The following SLC2A9 variants were observed in gnomAD, a reference collection of about 807,000 sequenced individuals.
The protein encoded by SLC2A9 is solute carrier family 2, facilitated glucose transporter member 9.
In SLC2A9, 39 loss-of-function variants were observed where a neutral mutation model predicts 50.6. The observed-to-expected ratio is 0.77, with a 90% confidence interval of 0.60 to 1.01. The LOEUF (loss-of-function observed/expected upper bound fraction) is 1.01, where lower values mean the gene tolerates loss of function less well. Among genes scored for constraint, SLC2A9 ranks in the 50% least tolerant of loss-of-function variants. The probability of loss-of-function intolerance (pLI) is 0.00; values close to 1 mark genes in which losing one functional copy is unlikely to be tolerated. For synonymous variants in SLC2A9, 324 were observed against 276.9 expected, an observed-to-expected ratio of 1.17 and a Z score of -1.69; for missense variants, 686 against 677.6, an observed-to-expected ratio of 1.01 and a Z score of -0.14.
chr4:9,889,871 T>C (rs531071828), intron 9 of SLC2A9, among the ~76,000 whole-genome samples: 18 of 152,348 alleles, frequency 1.2e-4, no homozygotes, highest in Admixed American at 1.2e-3. Context: ...TCCGGGGATC[T>C]AATTGCCACC....
At chr4:9,913,248 C>G (rs1053827981) in intron 7 of SLC2A9, among the ~76,000 whole-genome samples, 2 of 149,812 alleles carry the variant, frequency 1.3e-5, no homozygotes, top group Admixed American at 6.7e-5. Context: ...CAATAGAAAA[C>G]TAATATATAC....
At chr4:9,984,255 G>A (rs1297819888) in intron 4 of SLC2A9, among the ~76,000 whole-genome samples, 2 of 152,072 alleles carry the variant, frequency 1.3e-5, no homozygotes, top group African/African-American at 2.4e-5. Context: ...TTACTTCCAG[G>A]CCCCCACTCT....
In SLC2A9 at chr4:9,894,739, G is replaced by A. The variant is rs114947425; in HGVS notation, c.1114-4028C>T. On this transcript the variant is annotated intron_variant, in intron 8 of 11. Coordinates refer to ENST00000264784, the MANE Select transcript of SLC2A9 (RefSeq NM_020041.3). ...TGAAAATGAAGGTTGTTCATAACTG[G>A]AATATGCAGGAACTCTGTCTCCTAA... Among the ~76,000 whole-genome samples the A allele has an allele frequency of 4.7e-3, 711 of 152,320 alleles. 8 individuals carry two copies. The highest frequency in any genetic ancestry group is 0.016 in the African/African-American group (677 of 41,566).
intron 3 of SLC2A9, among the ~76,000 whole-genome samples, chr4:9,815,332 T>C (rs929854146): frequency 2.6e-5 from 4 of 152,236 alleles, no homozygotes; most frequent in African/African-American, 7.2e-5. Context: ...ACTTCACATA[T>C]TCTCATTTGC....
chr4:9,962,240 T>A (rs1318454694), intron 5 of SLC2A9, among the ~76,000 whole-genome samples: 1 of 152,196 alleles, frequency 6.6e-6, no homozygotes, highest in Non-Finnish European at 1.5e-5. Flanking sequence ...TGAATATAAA[T>A]CATTCTATTA....
intron 4 of SLC2A9, among the ~76,000 whole-genome samples, chr4:9,984,670 T>C (rs1371850464): frequency 6.6e-6 from 1 of 152,194 alleles, no homozygotes; most frequent in African/African-American, 2.4e-5. Context: ...GCAGCGTTTG[T>C]CTGACAATAT....
chr4:9,873,521 G>A lies in SLC2A9; in HGVS notation c.1291+14046C>T, dbSNP rs145963297. 9.2e-5 allele frequency among the ~76,000 whole-genome samples: 14 copies of A among 152,306 alleles called. No homozygotes were observed. The East Asian group carries it at 1.9e-3, about 21-fold the overall frequency. ...TGTGGAGTTCCAAGCCCAGGCCTCA[G>A]GCAGTTTTGCACACTTCCCCTTCTT... is the stretch of plus-strand genomic sequence containing the variant. On this transcript the variant is annotated intron_variant, in intron 10 of 11. Coordinates refer to ENST00000264784, the MANE Select transcript of SLC2A9 (RefSeq NM_020041.3).
At position 9,802,094 on chromosome 4, in the gene SLC2A9, A is replaced by G. The variant is rs529264856; in HGVS notation, n.421-2853T>C. 2.0e-5 allele frequency among the ~76,000 whole-genome samples: 3 copies of G among 152,262 alleles called. No individual in the cohort carries two copies. The South Asian group carries it at 6.2e-4, about 32-fold the overall frequency. Reference sequence around the variant, plus strand: ...GTGTGGCCTTGTTCCTGCTTCTCCAATGATGGGCTTATCAGCATGAGACAA... The same window carrying G: ...GTGTGGCCTTGTTCCTGCTTCTCCAGTGATGGGCTTATCAGCATGAGACAA... On this transcript the variant is annotated intron_variant and non_coding_transcript_variant, in intron 3 of 3. Coordinates refer to the SLC2A9 transcript ENST00000503280.
intron 10 of SLC2A9, among the ~76,000 whole-genome samples, chr4:9,846,857 GC>G (rs112865378): frequency 0.011 from 1,705 of 152,086 alleles, 29 homozygotes; most frequent in African/African-American, 0.038. Context: ...AATTTCTAAA[GC>G]CCCCCCAAAT....
chr4:9,969,836 G>A (rs1413470451), intron 5 of SLC2A9, among the ~76,000 whole-genome samples: 1 of 152,112 alleles, frequency 6.6e-6, no homozygotes, highest in African/African-American at 2.4e-5. Context: ...TTTGCCACTG[G>A]GTTCTTCCCA....
chr4:9,870,466 G>A (rs1023237910), intron 10 of SLC2A9, among the ~76,000 whole-genome samples: 2 of 152,146 alleles, frequency 1.3e-5, no homozygotes, highest in African/African-American at 4.8e-5. Flanking sequence ...CTACATTTCT[G>A]TTGAAAACCC....
intron 3 of SLC2A9, among the ~76,000 whole-genome samples, chr4:9,799,827 G>C (rs1721145820): frequency 6.6e-6 from 1 of 151,834 alleles, no homozygotes; most frequent in African/African-American, 2.4e-5. Context: ...AAAATATGTG[G>C]CTCTAGAGCC....
intron 5 of SLC2A9, 81 bp from the exon 6 acceptor site, chr4:9,942,126 C>A: frequency 1.3e-6 from 2 of 1,568,204 alleles, no homozygotes; most frequent in Non-Finnish European, 8.8e-7. Context: ...CAGGTGGTTT[C>A]GACCCTGCAG....
intron 10 of SLC2A9, among the ~76,000 whole-genome samples, chr4:9,845,083 G>A (rs1253567633): frequency 6.6e-6 from 1 of 151,686 alleles, no homozygotes; most frequent in Admixed American, 6.6e-5. Flanking sequence ...GCGCAATCTC[G>A]GCTCACTGCA....
chr4:9,927,205 T>C (rs990083929), intron 6 of SLC2A9, among the ~76,000 whole-genome samples: 3 of 120,148 alleles, frequency 2.5e-5, no homozygotes, highest in African/African-American at 1.1e-4. Context: ...TTAGTAGAGA[T>C]GGGGTTTCAC....
intron 3 of SLC2A9, among the ~76,000 whole-genome samples, chr4:9,808,712 A>G (rs1446962444): frequency 6.6e-6 from 1 of 152,180 alleles, no homozygotes; most frequent in African/African-American, 2.4e-5. Context: ...GCAGTCTTTG[A>G]GAAAGGTTGT....
At chr4:9,903,857 A>G (rs981354183) in intron 8 of SLC2A9, among the ~76,000 whole-genome samples, 3 of 147,370 alleles carry the variant, frequency 2.0e-5, no homozygotes, top group Non-Finnish European at 3.0e-5. Flanking sequence ...TATATAAAAT[A>G]TATTTTATAT....
chr4:9,826,447 C>T lies in SLC2A9; in HGVS notation c.1573G>A (p.Glu525Lys), dbSNP rs776808033. 1.2e-6 allele frequency: 2 copies of T among 1,612,876 alleles called. No homozygotes were observed. Among genetic ancestry groups the T allele is most frequent in the South Asian group, 1.1e-5 (1 of 91,074 alleles). ...TCAGTGACAGCTGAGTCGATTTTCT[C>T]TTCTGGTGGGTATGCTTTGTTCCTT... ...SKRNKAYPPE[E>K]KIDSAVTDGK... is the part of the protein sequence containing the mutation. The change falls in exon 12 of 12, where the codon GAG becomes AAG. Residue 525 changes from glutamate (E) to lysine (K), a missense_variant. Physicochemically the swap from Glu to Lys is moderately conservative, Grantham distance 56. Coordinates refer to ENST00000264784, the MANE Select transcript of SLC2A9 (RefSeq NM_020041.3).
At chr4:10,007,009 A>C (rs1760905300) in intron 2 of SLC2A9, among the ~76,000 whole-genome samples, 1 of 152,086 alleles carries the variant, frequency 6.6e-6, no homozygotes, top group Non-Finnish European at 1.5e-5. Context: ...CTCTGCTAGA[A>C]GAGTTCTTTG....
Sources: allele counts gnomAD v4.1 joint callset (sites outside exome capture counted in the v4.1 genomes callset), GRCh38; gene constraint gnomAD v4.1.1; transcripts MANE v1.5; gene names NCBI Gene and HGNC (gene_info 2026-07-23, HGNC 2026-07-21).